The following CRTC1 variants were observed in gnomAD, a reference collection of about 807,000 sequenced individuals.
CRTC1 encodes the protein CREB regulated transcription coactivator 1.
In CRTC1, 18 loss-of-function variants were observed where a neutral mutation model predicts 66.1. That is an observed-to-expected ratio of 0.27 (90% confidence interval 0.19 to 0.40). The LOEUF is 0.40. Ranked by LOEUF, CRTC1 falls within the 10% of genes least tolerant of loss-of-function variation. CRTC1 has a pLI of 1.00. For missense variants in CRTC1, 669 were observed against 887.9 expected (o/e 0.75, Z 3.13); for synonymous variants, 416 against 398.8 (o/e 1.04, Z -0.51).
intron 1 of CRTC1, among the ~76,000 whole-genome samples, chr19:18,724,035 G>C (rs891844640): frequency 3.9e-5 from 6 of 152,216 alleles, no homozygotes; most frequent in Non-Finnish European, 8.8e-5. Context: ...AAACCTCCCT[G>C]CACAGAACAG....
chr19:18,688,646 C>G (rs1299316157), intron 1 of CRTC1, among the ~76,000 whole-genome samples: 14 of 152,072 alleles, frequency 9.2e-5, no homozygotes, highest in Admixed American at 9.2e-4. Context: ...CCATGTTGGT[C>G]AGGCTGGTCT....
intron 13 of CRTC1, 113 bp downstream of exon 13, chr19:18,775,934 C>T: frequency 2.5e-6 from 3 of 1,196,288 alleles, no homozygotes; most frequent in East Asian, 2.6e-5. Context: ...GGGGTTGTGA[C>T]CCAAGCTTGA....
chr19:18,754,005 G>A (rs2054429705), intron 6 of CRTC1, among the ~76,000 whole-genome samples: 2 of 152,006 alleles, frequency 1.3e-5, no homozygotes, highest in Admixed American at 6.6e-5. Flanking sequence ...GGAGACTGAG[G>A]TGGGAGAATC....
chr19:18,700,825 C>T (rs1427687873), intron 1 of CRTC1, among the ~76,000 whole-genome samples: 3 of 152,208 alleles, frequency 2.0e-5, no homozygotes, highest in African/African-American at 4.8e-5. Flanking sequence ...TGCAGAACCT[C>T]GGAACCTCGG....
In CRTC1 at chr19:18,771,220, G is replaced by A. The variant is rs1430412606; in HGVS notation, c.1321-222G>A. ...AGGGCAGTTATTCACCCTCCACGCC[G>A]TTCCTTCCTGGGTTCGGGGGCAGCT... On this transcript the variant is annotated intron_variant, in intron 10 of 13. Transcript: ENST00000321949. The surrounding 1 kb of genome is among the most constrained non-coding windows in gnomAD (Gnocchi z 4.6). Among the ~76,000 whole-genome samples the A allele has an allele frequency of 2.9e-5, 4 of 139,800 alleles. No individual in the cohort carries two copies. The highest frequency in any genetic ancestry group is 2.4e-4 in the South Asian group (1 of 4,172). The allele number at this position is 139,800 out of a possible 152,430, so 91.7% of individuals were successfully genotyped here.
chr19:18,691,860 C>T (rs1447823721), intron 1 of CRTC1, among the ~76,000 whole-genome samples: 3 of 152,062 alleles, frequency 2.0e-5, no homozygotes, highest in Non-Finnish European at 4.4e-5. Flanking sequence ...ATTACAGGCT[C>T]CTGCCACCAC....
rs537306319 is a variant in CRTC1, at chr19:18,780,231, C to T, written c.*2849C>T. On this transcript the variant is annotated 3_prime_UTR_variant, in exon 14 of 14. Transcript: ENST00000321949. The stretch of plus-strand genomic sequence containing the variant: ...ACTGGGTTAGAGGCTGCTCTCCCCA[C>T]GCACCCATGTGCTCATGGCTTCTGC... 6 of 231,694 alleles carry T rather than the reference C, an allele frequency of 2.6e-5. No individual in the cohort carries two copies. The highest frequency in any genetic ancestry group is 8.8e-5 in the African/African-American group (4 of 45,336). The allele number at this position is 231,694 out of a possible 1,614,324, so 14.4% of individuals were successfully genotyped here. A position where few individuals can be genotyped will look rare whatever the true frequency, so the allele number is the denominator to read the frequency against.
intron 1 of CRTC1, among the ~76,000 whole-genome samples, chr19:18,712,295 G>A (rs529961010): frequency 7.2e-5 from 11 of 151,992 alleles, no homozygotes; most frequent in South Asian, 2.1e-4. Flanking sequence ...AGCTCACTCC[G>A]TTGCCCAGGC....
At chr19:18,694,675 A>G (rs556201237) in intron 1 of CRTC1, among the ~76,000 whole-genome samples, 13 of 152,046 alleles carry the variant, frequency 8.6e-5, no homozygotes, top group Admixed American at 3.9e-4. Flanking sequence ...TGCTCAAGCA[A>G]TTGTCCCATC....
At chr19:18,718,596 G>T (rs796286195) in intron 1 of CRTC1, among the ~76,000 whole-genome samples, 4 of 149,968 alleles carry the variant, frequency 2.7e-5, no homozygotes, top group African/African-American at 9.8e-5. Flanking sequence ...TCCCTCCTCC[G>T]CCTCCCAAAG....
intron 1 of CRTC1, among the ~76,000 whole-genome samples, chr19:18,710,008 C>T (rs931013134): frequency 2.0e-5 from 3 of 152,100 alleles, no homozygotes; most frequent in South Asian, 2.1e-4. Flanking sequence ...GGCTCTGAGC[C>T]CAGCACCCGC....
In CRTC1 at chr19:18,777,713, A is replaced by AGCAG. The variant is rs1462524409; in HGVS notation, c.*333_*334insAGGC. On this transcript the variant is annotated 3_prime_UTR_variant, in exon 14 of 14. Transcript: ENST00000321949. This position sits in a 1 kb window ranked among gnomAD's most constrained non-coding sequence, Gnocchi z 5.5. ...TCCCCTGTAAGATGCGGGAAGTGTC[A>AGCAG]GCTCCCGGCGTGGCGGGCAGGCTCA... 1 of 372,612 alleles carries AGCAG rather than the reference A, an allele frequency of 2.7e-6. No individual in the cohort carries two copies. The highest frequency in any genetic ancestry group is 4.9e-6 in the Non-Finnish European group (1 of 203,712). The allele number at this position is 372,612 out of a possible 1,614,324, so 23.1% of individuals were successfully genotyped here. A position where few individuals can be genotyped will look rare whatever the true frequency, so the allele number is the denominator to read the frequency against.
rs577348565 is a variant in CRTC1 at position 18,692,295 on chromosome 19, C to T, written c.126+8467C>T. On this transcript the variant is annotated intron_variant, in intron 1 of 13. Coordinates refer to ENST00000321949, the MANE Select transcript of CRTC1 (RefSeq NM_015321.3). ...CAGCCCTGTCCTGATGTGAAGTCCA[C>T]AAGGTTACCTGGTGCTACAGGTTCT... is the stretch of plus-strand genomic sequence containing the variant. Among the ~76,000 whole-genome samples, 3 of 152,334 alleles carry T rather than the reference C, an allele frequency of 2.0e-5. No homozygotes were observed. The East Asian group carries it at 5.8e-4, about 29-fold the overall frequency.
At chr19:18,772,753 G>A (rs151258241) in intron 11 of CRTC1, among the ~76,000 whole-genome samples, 66 of 152,314 alleles carry the variant, frequency 4.3e-4, no homozygotes, top group African/African-American at 1.5e-3. Flanking sequence ...CAGTGGTCTC[G>A]GGGAGGCATG....
In CRTC1 at chr19:18,771,509, T is replaced by A; in HGVS notation, c.1388T>A (p.Val463Asp). ...GCCAACCAGTCTCCCACCTCGCCAG[T>A]CTCCAATCAAGGCTTCTCCCCAGGG... Reference protein sequence around the residue: ...SPANQSPTSPVSNQGFSPGSS... With the variant: ...SPANQSPTSPDSNQGFSPGSS... Residue 463 changes from valine to aspartate, a missense_variant, in exon 11 of 14, where the codon GTC (valine) becomes GAC (aspartate). Val to Asp is a radical substitution (Grantham distance 152). Coordinates refer to ENST00000321949, the MANE Select transcript of CRTC1 (RefSeq NM_015321.3). This position sits in a 1 kb window ranked among gnomAD's most constrained non-coding sequence, Gnocchi z 4.6. The A allele has an allele frequency of 6.2e-7, 1 of 1,613,670 alleles. No individual in the cohort carries two copies. The highest frequency in any genetic ancestry group is 2.2e-5 in the East Asian group (1 of 44,878).
intron 6 of CRTC1, among the ~76,000 whole-genome samples, chr19:18,758,721 T>G (rs1261975484): frequency 6.6e-6 from 1 of 152,022 alleles, no homozygotes; most frequent in African/African-American, 2.4e-5. Flanking sequence ...CTGAACTGAG[T>G]TTAGGGCATC....
At chr19:18,692,691 G>A (rs1188356230) in intron 1 of CRTC1, among the ~76,000 whole-genome samples, 5 of 152,036 alleles carry the variant, frequency 3.3e-5, no homozygotes, top group South Asian at 2.1e-4. Flanking sequence ...GACCCTCAGC[G>A]TGTGTGAAAC....
intron 6 of CRTC1, among the ~76,000 whole-genome samples, chr19:18,757,916 G>T (rs2054526141): frequency 6.6e-6 from 1 of 151,288 alleles, no homozygotes; most frequent in African/African-American, 2.4e-5. Flanking sequence ...TACTCGGGAG[G>T]CTGAGGCAGG....
At chr19:18,733,576 G>A (rs958568062) in intron 1 of CRTC1, among the ~76,000 whole-genome samples, 3 of 152,180 alleles carry the variant, frequency 2.0e-5, no homozygotes, top group East Asian at 1.9e-4. Flanking sequence ...TGGAATCCAC[G>A]TGCCCCTGAT....
Sources: gnomAD v4.1 joint callset for allele counts (sites outside exome capture counted in the v4.1 genomes callset) on GRCh38, gnomAD v4.1.1 for gene constraint, Gnocchi (gnomAD v3.1) non-coding constraint, MANE v1.5 for transcripts, NCBI Gene and HGNC (gene_info 2026-07-23, HGNC 2026-07-21) for gene names.